ADAMTS3: variants seen among roughly 807,000 people sequenced by gnomAD.
The protein encoded by ADAMTS3 is A disintegrin and metalloproteinase with thrombospondin motifs 3.
A neutral mutation model predicts 129.0 loss-of-function variants in ADAMTS3; 73 were observed. The ratio of observed to expected loss-of-function variants is 0.57; its 90% confidence interval spans 0.47 to 0.69. The LOEUF is 0.69. ADAMTS3 is among the 30% of genes least tolerant of loss of function. The probability of loss-of-function intolerance (pLI) is 0.00; values close to 1 mark genes in which losing one functional copy is unlikely to be tolerated. For missense variants in ADAMTS3, 1,457 were observed against 1,514.5 expected (o/e 0.96, Z 0.63); for synonymous variants, 477 against 510.8 (o/e 0.93, Z 0.89).
intron 5 of ADAMTS3, among the ~76,000 whole-genome samples, chr4:72,328,183 C>T (rs1719746607): frequency 6.6e-6 from 1 of 152,110 alleles, no homozygotes; most frequent in South Asian, 2.1e-4. Flanking sequence ...AGCCTAGAGT[C>T]TTTATTAAAT....
intron 3 of ADAMTS3, among the ~76,000 whole-genome samples, chr4:72,525,928 T>C (rs1187939245): frequency 6.6e-6 from 1 of 152,136 alleles, no homozygotes; most frequent in East Asian, 1.9e-4. Context: ...CATGTACCTG[T>C]GAATAGCACA....
chr4:72,426,026 C>A (rs1722565599), intron 3 of ADAMTS3, among the ~76,000 whole-genome samples: 2 of 152,186 alleles, frequency 1.3e-5, no homozygotes, highest in Admixed American at 1.3e-4. Flanking sequence ...GATTGCCATT[C>A]TAACCAGTGT....
chr4:72,468,049 T>C (rs1029010233), intron 3 of ADAMTS3, among the ~76,000 whole-genome samples: 1 of 152,094 alleles, frequency 6.6e-6, no homozygotes, highest in African/African-American at 2.4e-5. Flanking sequence ...ATTAGAATCA[T>C]ATAAAAATGT....
chr4:72,516,985 C>T (rs541435236), intron 3 of ADAMTS3, among the ~76,000 whole-genome samples: 1 of 152,248 alleles, frequency 6.6e-6, no homozygotes, highest in South Asian at 2.1e-4. Flanking sequence ...GCATAGATAG[C>T]TCTTAATATT....
intron 16 of ADAMTS3, among the ~76,000 whole-genome samples, chr4:72,304,293 C>G (rs1253564591): frequency 1.3e-5 from 2 of 152,098 alleles, no homozygotes; most frequent in Non-Finnish European, 2.9e-5. Context: ...GTCAAAAATA[C>G]AGCAAGATGG....
chr4:72,471,661 T>C (rs1441356577), intron 3 of ADAMTS3, among the ~76,000 whole-genome samples: 3 of 151,922 alleles, frequency 2.0e-5, no homozygotes, highest in Admixed American at 6.6e-5. Flanking sequence ...AAGAAAAAGG[T>C]TGGTGAAAAT....
intron 3 of ADAMTS3, among the ~76,000 whole-genome samples, chr4:72,451,653 C>T (rs1178903152): frequency 6.6e-6 from 1 of 151,746 alleles, no homozygotes; most frequent in Non-Finnish European, 1.5e-5. Context: ...TGATTCCAAA[C>T]TTTCAAAGTA....
chr4:72,529,057 A>T (rs1340088977), intron 3 of ADAMTS3, among the ~76,000 whole-genome samples: 2 of 152,162 alleles, frequency 1.3e-5, no homozygotes, highest in Non-Finnish European at 2.9e-5. Flanking sequence ...TTTCTGAGGA[A>T]ATATAATTTA....
At chr4:72,300,465 C>T (rs1444781679) in intron 17 of ADAMTS3, among the ~76,000 whole-genome samples, 1 of 152,034 alleles carries the variant, frequency 6.6e-6, no homozygotes, top group Non-Finnish European at 1.5e-5. Flanking sequence ...CAGCTTCTGG[C>T]CTCCAATCAT....
chr4:72,407,908 T>C (rs1722090164), intron 4 of ADAMTS3, among the ~76,000 whole-genome samples: 1 of 152,160 alleles, frequency 6.6e-6, no homozygotes, highest in Non-Finnish European at 1.5e-5. Flanking sequence ...ACAATCTTAT[T>C]GAGGGAAATA....
At chr4:72,532,707 T>C (rs1721076536) in intron 3 of ADAMTS3, among the ~76,000 whole-genome samples, 1 of 152,162 alleles carries the variant, frequency 6.6e-6, no homozygotes, top group African/African-American at 2.4e-5. Context: ...CTAGGCTGTA[T>C]GGCACAACAT....
At chr4:72,460,586 T>C (rs1404973208) in intron 3 of ADAMTS3, among the ~76,000 whole-genome samples, 2 of 151,234 alleles carry the variant, frequency 1.3e-5, no homozygotes, top group African/African-American at 4.8e-5. Context: ...AAGTCATAAA[T>C]ATGCTAACAA....
At chr4:72,313,908 C>T (rs1719316001) in intron 11 of ADAMTS3, 86 bp from the exon 12 acceptor site, 2 of 1,459,926 alleles carry the variant, frequency 1.4e-6, no homozygotes, top group Admixed American at 3.6e-5. Context: ...AGTTGAAGGG[C>T]TTTCTTACTG....
intron 3 of ADAMTS3, among the ~76,000 whole-genome samples, chr4:72,471,481 G>C (rs1377397054): frequency 6.6e-6 from 1 of 151,890 alleles, no homozygotes; most frequent in African/African-American, 2.4e-5. Flanking sequence ...TTGAGTTCTA[G>C]TATAGAATCA....
intron 3 of ADAMTS3, among the ~76,000 whole-genome samples, chr4:72,461,077 G>A (rs1718756232): frequency 6.6e-6 from 1 of 151,544 alleles, no homozygotes; most frequent in Non-Finnish European, 1.5e-5. Context: ...CTAGCTATAG[G>A]CATACAAAAA....
intron 3 of ADAMTS3, among the ~76,000 whole-genome samples, chr4:72,489,900 A>G (rs961162688): frequency 1.3e-5 from 2 of 151,840 alleles, no homozygotes; most frequent in Admixed American, 1.3e-4. Context: ...AGATCGCTGG[A>G]ATATATGTAG....
At chr4:72,518,056 C>A (rs975907722) in intron 3 of ADAMTS3, among the ~76,000 whole-genome samples, 24 of 152,080 alleles carry the variant, frequency 1.6e-4, no homozygotes, top group African/African-American at 5.6e-4. Flanking sequence ...TCGTTGGTTT[C>A]AAAGAATATC....
At chr4:72,370,581 C>G (rs1222735037) in intron 4 of ADAMTS3, among the ~76,000 whole-genome samples, 4 of 152,040 alleles carry the variant, frequency 2.6e-5, no homozygotes, top group African/African-American at 9.7e-5. Context: ...AATCCCATCT[C>G]TACTGAAAAT....
chr4:72,417,613 T>C (rs79087019), intron 3 of ADAMTS3, among the ~76,000 whole-genome samples: 3 of 152,030 alleles, frequency 2.0e-5, no homozygotes, highest in Non-Finnish European at 2.9e-5. Flanking sequence ...TATTTATTAA[T>C]TTAAGTAAAG....
Sources: allele counts gnomAD v4.1 joint callset (sites outside exome capture counted in the v4.1 genomes callset), GRCh38; gene constraint gnomAD v4.1.1; transcripts MANE v1.5; gene names NCBI Gene and HGNC (gene_info 2026-07-23, HGNC 2026-07-21).